The following SLCO3A1 variants were observed in gnomAD, a reference collection of about 807,000 sequenced individuals.
SLCO3A1 encodes the protein PGE1 transporter.
SLCO3A1 carries 27 observed loss-of-function variants against 63.1 expected under a neutral mutation model. The observed-to-expected ratio is 0.43, with a 90% CI of 0.32 to 0.59. The LOEUF is 0.59. Ranked by LOEUF, SLCO3A1 falls within the 20% of genes least tolerant of loss-of-function variation. SLCO3A1 has a pLI of 0.09. For synonymous variants in SLCO3A1, 473 were observed against 409.9 expected, an observed-to-expected ratio of 1.15 and a Z score of -1.86; for missense variants, 773 against 945.8, an observed-to-expected ratio of 0.82 and a Z score of 2.40.
At chr15:92,098,523 G>A (rs1004193887) in intron 3 of SLCO3A1, among the ~76,000 whole-genome samples, 1 of 152,172 alleles carries the variant, frequency 6.6e-6, no homozygotes, top group African/African-American at 2.4e-5. Context: ...TTGAAAAAAC[G>A]GACTTAGTAG....
chr15:92,037,862 C>G (rs1287961828), intron 2 of SLCO3A1, among the ~76,000 whole-genome samples: 3 of 152,172 alleles, frequency 2.0e-5, no homozygotes, highest in African/African-American at 7.2e-5. Flanking sequence ...AGCATTCTGG[C>G]AAGGTTGTGA....
intron 2 of SLCO3A1, among the ~76,000 whole-genome samples, chr15:91,927,169 C>T (rs899643076): frequency 1.3e-5 from 2 of 152,128 alleles, no homozygotes; most frequent in South Asian, 2.1e-4. Flanking sequence ...GCCCTCCACT[C>T]CCCCGAAAAT....
chr15:92,061,647 TCCATCCCCACTGG>T (rs1258132429), intron 2 of SLCO3A1, among the ~76,000 whole-genome samples: 39 of 152,302 alleles, frequency 2.6e-4, no homozygotes, highest in Middle Eastern at 6.8e-3. Flanking sequence ...GCACCCACTG[TCCATCCCCACTGG>T]CCACCGTGGT....
At chr15:92,071,746 T>G (rs1596075080) in intron 2 of SLCO3A1, among the ~76,000 whole-genome samples, 1 of 152,186 alleles carries the variant, frequency 6.6e-6, no homozygotes, top group African/African-American at 2.4e-5. Context: ...CTTTCATCTC[T>G]TGGGCTCTCT....
Position 92,131,188 on chromosome 15 carries a change from C to T in SLCO3A1, c.1512+2699C>T, listed in dbSNP as rs1223835202. On this transcript the variant is annotated intron_variant, in intron 7 of 9. Transcript: ENST00000318445. The stretch of plus-strand genomic sequence containing the variant: ...TTTGAATGTAGGGTCTGTCCAATGT[C>T]GAGTACACATGGACACCAAGAAAGG... Among the ~76,000 whole-genome samples the T allele has an allele frequency of 3.3e-5, 5 of 152,184 alleles. No homozygotes were observed. The South Asian group carries it at 8.3e-4, about 25-fold the overall frequency.
intron 2 of SLCO3A1, among the ~76,000 whole-genome samples, chr15:92,015,438 A>G (rs60142722): frequency 6.6e-6 from 1 of 152,062 alleles, no homozygotes; most frequent in African/African-American, 2.4e-5. Context: ...TGCCACTTCT[A>G]AACTATGAGA....
rs77548979 is a variant in SLCO3A1, at chr15:91,939,577, C to T, written c.646+23119C>T. Among the ~76,000 whole-genome samples, 1,066 of 152,228 alleles carry T rather than the reference C, an allele frequency of 7.0e-3. 10 individuals carry two copies. Among genetic ancestry groups the T allele is most frequent in the Non-Finnish European group, 8.4e-3 (572 of 68,010 alleles). On this transcript the variant is annotated intron_variant, in intron 2 of 9. Transcript: ENST00000318445. ...GATGCTCAGCCACAGATGGATGCCA[C>T]GCTGCTGCCAGCTCCAGCACCTCCT...
chr15:92,113,192 C>T (rs1383043694), intron 4 of SLCO3A1, among the ~76,000 whole-genome samples: 1 of 152,206 alleles, frequency 6.6e-6, no homozygotes, highest in Non-Finnish European at 1.5e-5. Context: ...GTTTTTCTGA[C>T]TTCACACTCC....
At chr15:92,096,460 A>G (rs191902333) in intron 3 of SLCO3A1, among the ~76,000 whole-genome samples, 30 of 152,328 alleles carry the variant, frequency 2.0e-4, no homozygotes, top group African/African-American at 7.2e-4. Flanking sequence ...GTCATTGCCT[A>G]CCATGTGCTG....
chr15:91,866,286 A>G (rs1429007478), intron 1 of SLCO3A1, among the ~76,000 whole-genome samples: 1 of 152,228 alleles, frequency 6.6e-6, no homozygotes. Context: ...GTGTATGTAC[A>G]TAGGTACTCA....
chr15:91,887,813 C>A (rs531244864), intron 1 of SLCO3A1, among the ~76,000 whole-genome samples: 1 of 152,342 alleles, frequency 6.6e-6, no homozygotes, highest in East Asian at 1.9e-4. Context: ...GGACAAATTA[C>A]TTAACCTCTC....
chr15:92,016,136 C>G lies in SLCO3A1; in HGVS notation c.647-78745C>G, dbSNP rs958826432. On this transcript the variant is annotated intron_variant, in intron 2 of 9. Coordinates refer to ENST00000318445, the MANE Select transcript of SLCO3A1 (RefSeq NM_013272.4). ...GACAGGAAGATGATGTGCAAAAAGCCCAAAGATGTAAGGCTGGGAGATAGC... is the reference window on the plus strand; with the variant it reads ...GACAGGAAGATGATGTGCAAAAAGCGCAAAGATGTAAGGCTGGGAGATAGC... Among the ~76,000 whole-genome samples the G allele has an allele frequency of 1.2e-4, 18 of 151,146 alleles. 1 individual carries two copies. Among genetic ancestry groups the G allele is most frequent in the Non-Finnish European group, 2.7e-4 (18 of 67,890 alleles).
Position 91,916,176 on chromosome 15 carries a change from C to T in SLCO3A1, c.364C>T (p.Leu122=). 1.9e-6 allele frequency: 3 copies of T among 1,600,550 alleles called. No individual in the cohort carries two copies. The highest frequency in any genetic ancestry group is 2.6e-6 in the Non-Finnish European group (3 of 1,176,004). The part of the protein sequence containing the change: ...GGIVMALGAL[L]SALPEFLTHQ... The stretch of plus-strand genomic sequence containing the variant: ...CATCGTCATGGCGCTGGGCGCGCTG[C>T]TGTCGGCGCTGCCCGAGTTCCTGAC... The change falls in exon 2 of 10, where the codon CTG becomes TTG. Residue 122 remains leucine (L), a synonymous_variant. Transcript: ENST00000318445. This position sits in a 1 kb window ranked among gnomAD's most constrained non-coding sequence, Gnocchi z 6.2.
chr15:91,898,124 C>T (rs1805770229), intron 1 of SLCO3A1, among the ~76,000 whole-genome samples: 2 of 152,132 alleles, frequency 1.3e-5, no homozygotes, highest in African/African-American at 4.8e-5. Context: ...TGGTGACCAT[C>T]CATCATGTAC....
chr15:91,935,455 A>G (rs566204227), intron 2 of SLCO3A1, among the ~76,000 whole-genome samples: 1 of 152,324 alleles, frequency 6.6e-6, no homozygotes, highest in East Asian at 1.9e-4. Flanking sequence ...AAGAAAGGTC[A>G]AGCCAAGGGG....
intron 2 of SLCO3A1, among the ~76,000 whole-genome samples, chr15:92,015,494 C>T (rs146549190): frequency 0.083 from 12,653 of 152,032 alleles, 619 homozygotes; most frequent in African/African-American, 0.13. Flanking sequence ...ATGGGGGAAA[C>T]CGCCCCCATG....
chr15:92,001,827 C>CTTTTTTTTT (rs59951621), intron 2 of SLCO3A1, among the ~76,000 whole-genome samples: 3 of 80,134 alleles, frequency 3.7e-5, no homozygotes, highest in African/African-American at 5.4e-5. Context: ...TGTGTGAGTT[C>CTTTTTTTTT]TTTTTTTTTT....
chr15:91,946,393 A>T (rs1002642132), intron 2 of SLCO3A1, among the ~76,000 whole-genome samples: 1 of 152,348 alleles, frequency 6.6e-6, no homozygotes, highest in Middle Eastern at 3.4e-3. Flanking sequence ...CCTGTGTTCC[A>T]GGCAGTGCCA....
intron 2 of SLCO3A1, among the ~76,000 whole-genome samples, chr15:92,088,850 T>C (rs974612409): frequency 6.6e-6 from 1 of 152,288 alleles, no homozygotes; most frequent in Admixed American, 6.5e-5. Context: ...CTCTGCAGTA[T>C]AATCTCTTAG....
Sources: allele counts gnomAD v4.1 joint callset (sites outside exome capture counted in the v4.1 genomes callset), GRCh38; gene constraint gnomAD v4.1.1; non-coding constraint Gnocchi (gnomAD v3.1); transcripts MANE v1.5; gene names NCBI Gene and HGNC (gene_info 2026-07-23, HGNC 2026-07-21).